CRYBG3: variants seen among roughly 807,000 people sequenced by gnomAD.
CRYBG3 encodes very large A-kinase anchor protein.
In CRYBG3, 127 loss-of-function variants were observed where a neutral mutation model predicts 244.2. The ratio of observed to expected loss-of-function variants is 0.52; its 90% CI spans 0.45 to 0.60. The LOEUF (loss-of-function observed/expected upper bound fraction) is 0.60. Ranked by LOEUF, CRYBG3 falls within the 20% of genes least tolerant of loss-of-function variation. The pLI, the probability that CRYBG3 is intolerant of heterozygous loss-of-function variation, is 0.00. For synonymous variants in CRYBG3, 1,132 were observed against 1,195.8 expected (o/e 0.95, Z 1.10); for missense variants, 3,325 against 3,442.5 (o/e 0.97, Z 0.85).
At chr3:97,940,873 A>C (rs1388356218) in intron 19 of CRYBG3, among the ~76,000 whole-genome samples, 1 of 151,792 alleles carries the variant, frequency 6.6e-6, no homozygotes, top group Admixed American at 6.6e-5. Context: ...CCCACTCCTC[A>C]CCACATGGAA....
At chr3:97,844,110 A>C (rs1452558687) in intron 2 of CRYBG3, among the ~76,000 whole-genome samples, 4 of 152,166 alleles carry the variant, frequency 2.6e-5, no homozygotes, top group Non-Finnish European at 5.9e-5. Context: ...GCCCAAGTAC[A>C]TTACACATTA....
chr3:97,907,242 A>C (rs1165430802), intron 15 of CRYBG3, among the ~76,000 whole-genome samples: 1 of 152,200 alleles, frequency 6.6e-6, no homozygotes, highest in Non-Finnish European at 1.5e-5. Flanking sequence ...CTTTGGTATC[A>C]GAATGATGCT....
chr3:97,864,392 T>C lies in CRYBG3; in HGVS notation c.392T>C (p.Ile131Thr). The change falls in exon 3 of 22, where the codon ATC becomes ACC. Residue 131 changes from isoleucine to threonine, a missense_variant. This residue lies in a region of CRYBG3 where 1,526 missense variants were observed against 1,443.2 expected (regional missense o/e 1.06). Coordinates refer to ENST00000389622, the MANE Select transcript of CRYBG3 (RefSeq NM_153605.4). ...FFQFLGNLFN[I>T]SGKSSLGEAK... ...CAGTTTCTTGGTAACTTATTCAATATCTCGGGGAAATCATCTCTAGGTGAA... is the reference window on the plus strand; with the variant it reads ...CAGTTTCTTGGTAACTTATTCAATACCTCGGGGAAATCATCTCTAGGTGAA... The C allele has an allele frequency of 1.3e-6, 2 of 1,535,850 alleles. No individual in the cohort carries two copies. Among genetic ancestry groups the C allele is most frequent in the South Asian group, 1.2e-5 (1 of 84,044 alleles).
rs1004586943 is a variant in CRYBG3 at position 97,876,229 on chromosome 3, A to G, written c.5035A>G (p.Ile1679Val). 214 of 1,231,940 alleles carry G rather than the reference A, an allele frequency of 1.7e-4. No individual in the cohort carries two copies. The highest frequency in any genetic ancestry group is 2.0e-4 in the Non-Finnish European group (199 of 987,946). The allele number at this position is 1,231,940 out of a possible 1,614,324, so 76.3% of individuals were successfully genotyped here. The change falls in exon 4 of 22, where the codon ATT becomes GTT. Residue 1679 changes from isoleucine (I) to valine (V), a missense_variant. Transcript: ENST00000389622. ...TTACCAAACGCATGCTGAAGGGGAT[A>G]TTGGCAAGACTGGGACGATAGCCTT... Reference protein sequence around the residue: ...NIYQTHAEGDIGKTGTIALSE... With the variant: ...NIYQTHAEGDVGKTGTIALSE...
intron 1 of CRYBG3, among the ~76,000 whole-genome samples, chr3:97,828,979 G>C (rs1230056493): frequency 6.6e-6 from 1 of 152,070 alleles, no homozygotes; most frequent in African/African-American, 2.4e-5. Flanking sequence ...TATTTTGGGG[G>C]TATGGGGAAC....
intron 17 of CRYBG3, among the ~76,000 whole-genome samples, chr3:97,925,939 A>C (rs2040036365): frequency 6.6e-6 from 1 of 152,038 alleles, no homozygotes; most frequent in South Asian, 2.1e-4. Flanking sequence ...AGGCTCTATG[A>C]GAAGGATTAT....
intron 18 of CRYBG3, among the ~76,000 whole-genome samples, chr3:97,934,582 G>T (rs527792211): frequency 6.6e-6 from 1 of 152,054 alleles, no homozygotes; most frequent in Non-Finnish European, 1.5e-5. Context: ...TTGAAATTCC[G>T]TGATAATCAA....
At chr3:97,911,996 A>G (rs190510750) in intron 15 of CRYBG3, among the ~76,000 whole-genome samples, 171 bp from the exon 16 acceptor site, 1 of 152,216 alleles carries the variant, frequency 6.6e-6, no homozygotes, top group Admixed American at 6.5e-5. Flanking sequence ...TAAGAAAGCA[A>G]GTTTAAGGAG....
At chr3:97,862,803 A>G (rs2039170210) in intron 2 of CRYBG3, among the ~76,000 whole-genome samples, 1 of 152,104 alleles carries the variant, frequency 6.6e-6, no homozygotes, top group Admixed American at 6.6e-5. Flanking sequence ...TTCTAAATGT[A>G]GAGGCTCACA....
In CRYBG3 at chr3:97,873,649, G is replaced by A; in HGVS notation, c.2455G>A (p.Asp819Asn). 1.3e-6 allele frequency: 2 copies of A among 1,534,884 alleles called. No homozygotes were observed. Among genetic ancestry groups the A allele is most frequent in the South Asian group, 2.4e-5 (2 of 83,786 alleles). Residue 819 changes from aspartate (D) to asparagine (N), a missense_variant, in exon 4 of 22, where the codon GAT becomes AAT. Asp to Asn is a conservative substitution (Grantham distance 23, BLOSUM62 1). This residue lies in a region of CRYBG3 where 1,526 missense variants were observed against 1,443.2 expected (regional missense o/e 1.06). Transcript: ENST00000389622. ...TAACATTGTATCAAAAGCTGAAATTGATGGTCAGAACAATGTTCTTGTGGA... is the reference window on the plus strand; with the variant it reads ...TAACATTGTATCAAAAGCTGAAATTAATGGTCAGAACAATGTTCTTGTGGA... ...TANIVSKAEI[D>N]GQNNVLVESH...
At chr3:97,836,700 T>A (rs2038738438) in intron 1 of CRYBG3, among the ~76,000 whole-genome samples, 2 of 152,096 alleles carry the variant, frequency 1.3e-5, no homozygotes, top group Non-Finnish European at 2.9e-5. Flanking sequence ...ATGAAGTCCT[T>A]GCTGTATTTA....
Position 97,873,065 on chromosome 3 carries a change from C to T in CRYBG3, c.1871C>T (p.Pro624Leu). Reference protein sequence around the residue: ...ELNRSHISETPLDSESPQQAE... With the variant: ...ELNRSHISETLLDSESPQQAE... Reference sequence around the variant, plus strand: ...AATAGAAGTCACATTTCAGAAACTCCTCTTGACTCTGAGAGTCCTCAACAA... The same window carrying T: ...AATAGAAGTCACATTTCAGAAACTCTTCTTGACTCTGAGAGTCCTCAACAA... The change falls in exon 4 of 22, where the codon CCT becomes CTT. Residue 624 changes from proline (P) to leucine (L), a missense_variant. Physicochemically the swap from Pro to Leu is moderately conservative, Grantham distance 98. Transcript: ENST00000389622. The T allele has an allele frequency of 2.0e-6, 3 of 1,534,708 alleles. No homozygotes were observed. Among genetic ancestry groups the T allele is most frequent in the East Asian group, 4.9e-5 (2 of 40,900 alleles).
At chr3:97,886,222 G>A (rs1415390489) in intron 7 of CRYBG3, among the ~76,000 whole-genome samples, 2 of 151,880 alleles carry the variant, frequency 1.3e-5, no homozygotes, top group Non-Finnish European at 1.5e-5. Context: ...TTATATCCCC[G>A]ATGAGATCAG....
chr3:97,879,610 G>A (rs868359523), intron 4 of CRYBG3, 94 bp from the exon 5 acceptor site: 1 of 807,424 alleles, frequency 1.2e-6, no homozygotes, highest in Non-Finnish European at 2.0e-6. Context: ...AACTAAATAT[G>A]TGATAAATTG....
At chr3:97,892,412 C>T (rs1049860134) in intron 10 of CRYBG3, among the ~76,000 whole-genome samples, 5 of 152,022 alleles carry the variant, frequency 3.3e-5, no homozygotes, top group African/African-American at 4.8e-5. Context: ...AACATCATAT[C>T]GTCCCTTCTT....
In CRYBG3 at chr3:97,822,120, C is replaced by A; in HGVS notation, c.-87C>A. The A allele has an allele frequency of 7.8e-7, 1 of 1,275,414 alleles. No homozygotes were observed. Among genetic ancestry groups the A allele is most frequent in the African/African-American group, 1.5e-5 (1 of 64,640 alleles). 79.0% of individuals were successfully genotyped at this position (1,275,414 alleles called of 1,614,324 possible). On this transcript the variant is annotated 5_prime_UTR_variant, in exon 1 of 22. Coordinates refer to ENST00000389622, the MANE Select transcript of CRYBG3 (RefSeq NM_153605.4). ...TCGAGTCGGTCTGCCCTAGCCGCAT[C>A]CCGCGGCGCCCGGTCGGGCTCCGGG... is the stretch of plus-strand genomic sequence containing the variant.
At chr3:97,887,807 T>G (rs1199466254) in intron 8 of CRYBG3, among the ~76,000 whole-genome samples, 1 of 152,056 alleles carries the variant, frequency 6.6e-6, no homozygotes, top group Non-Finnish European at 1.5e-5. Context: ...GGTAGGCCAG[T>G]AATTGGCTGT....
chr3:97,938,742 T>C (rs984339212), intron 19 of CRYBG3, among the ~76,000 whole-genome samples: 22 of 152,186 alleles, frequency 1.4e-4, no homozygotes, highest in African/African-American at 5.1e-4. Flanking sequence ...ATATGAACAG[T>C]CTGATATGGC....
At position 97,876,740 on chromosome 3, in the gene CRYBG3, C is replaced by G; in HGVS notation, c.5546C>G (p.Ser1849Cys). 1 of 1,254,982 alleles carries G rather than the reference C, an allele frequency of 8.0e-7. No homozygotes were observed. The highest frequency in any genetic ancestry group is 3.1e-5 in the East Asian group (1 of 32,762). 77.7% of individuals were successfully genotyped at this position (1,254,982 alleles called of 1,614,324 possible). A position where few individuals can be genotyped will look rare whatever the true frequency, so the allele number is the denominator to read the frequency against. Residue 1849 changes from serine (S) to cysteine (C), a missense_variant, in exon 4 of 22, where the codon TCC becomes TGC. This residue lies in a region of CRYBG3 where 635 missense variants were observed against 771.7 expected (regional missense o/e 0.82). Coordinates refer to ENST00000389622, the MANE Select transcript of CRYBG3 (RefSeq NM_153605.4). ...TCTGTGATAGAAATGGAAAAAATAT[C>G]CCCAGAAGATCGTGGTGAGAATATT... Reference protein sequence around the residue: ...TPSVIEMEKISPEDRGENIGK... With the variant: ...TPSVIEMEKICPEDRGENIGK...
Sources: allele counts gnomAD v4.1 joint callset (sites outside exome capture counted in the v4.1 genomes callset), GRCh38; gene constraint gnomAD v4.1.1; regional missense constraint gnomAD v4.1.1; transcripts MANE v1.5; gene names NCBI Gene and HGNC (gene_info 2026-07-23, HGNC 2026-07-21).